Variants in LRRTM4 observed in about 807,000 individuals in gnomAD.
The protein encoded by LRRTM4 is leucine-rich repeat transmembrane neuronal protein 4.
LRRTM4 carries 25 observed loss-of-function variants against 47.6 expected under a neutral mutation model. That is an observed-to-expected ratio of 0.53 (90% CI 0.38 to 0.73). The LOEUF (loss-of-function observed/expected upper bound fraction) is 0.73, where lower values mean the gene tolerates loss of function less well. LRRTM4 is among the 30% of genes least tolerant of loss of function. LRRTM4 has a pLI of 0.00. For synonymous variants in LRRTM4, 311 were observed against 269.5 expected, an observed-to-expected ratio of 1.15 and a Z score of -1.51; for missense variants, 638 against 713.4, an observed-to-expected ratio of 0.89 and a Z score of 1.20.
At chr2:77,476,979 T>TGTGC (rs1677422258) in intron 3 of LRRTM4, among the ~76,000 whole-genome samples, 1 of 151,178 alleles carries the variant, frequency 6.6e-6, no homozygotes, top group Admixed American at 6.6e-5. Context: ...TGTGTGTGTG[T>TGTGC]GTGTGTGTGT....
rs140176647 is a variant in LRRTM4 at position 76,818,930 on chromosome 2, T to C, written c.1552-70014A>G. On this transcript the variant is annotated intron_variant, in intron 3 of 3. Coordinates refer to ENST00000409884, the MANE Select transcript of LRRTM4 (RefSeq NM_001134745.3). ...ATTAGTTTTACTAGTAAAGTCAGTTTTAATAGTTTTACTAGTAAAGTTATA... is the reference window on the plus strand; with the variant it reads ...ATTAGTTTTACTAGTAAAGTCAGTTCTAATAGTTTTACTAGTAAAGTTATA... Among the ~76,000 whole-genome samples the C allele has an allele frequency of 2.6e-3, 392 of 151,900 alleles. 2 individuals are homozygous for C. The highest frequency in any genetic ancestry group is 9.1e-3 in the African/African-American group (376 of 41,498).
chr2:77,484,677 G>C (rs1337105164), intron 3 of LRRTM4, among the ~76,000 whole-genome samples: 1 of 152,124 alleles, frequency 6.6e-6, no homozygotes, highest in Non-Finnish European at 1.5e-5. Flanking sequence ...ATCCACACAA[G>C]TGATTTGGTG....
chr2:77,131,042 G>A (rs1274881462), intron 3 of LRRTM4, among the ~76,000 whole-genome samples: 1 of 147,726 alleles, frequency 6.8e-6, no homozygotes. Flanking sequence ...CACCGTTTTA[G>A]CCGGGATGGT....
intron 3 of LRRTM4, among the ~76,000 whole-genome samples, chr2:77,456,816 T>C (rs1353659477): frequency 6.6e-5 from 10 of 151,682 alleles, no homozygotes; most frequent in Non-Finnish European, 1.3e-4. Context: ...AGCCTTCTAC[T>C]GAAATACTTT....
chr2:77,179,076 G>A (rs1212363017), intron 3 of LRRTM4, among the ~76,000 whole-genome samples: 1 of 151,902 alleles, frequency 6.6e-6, no homozygotes, highest in East Asian at 1.9e-4. Flanking sequence ...GAGCATTTTT[G>A]CGTAATACAA....
chr2:76,975,169 G>A (rs1439897503), intron 3 of LRRTM4, among the ~76,000 whole-genome samples: 1 of 151,566 alleles, frequency 6.6e-6, no homozygotes, highest in Non-Finnish European at 1.5e-5. Flanking sequence ...TCACAGGCTA[G>A]GAAAACCCAT....
At chr2:77,241,005 C>A (rs1004823930) in intron 3 of LRRTM4, among the ~76,000 whole-genome samples, 3 of 151,858 alleles carry the variant, frequency 2.0e-5, no homozygotes, top group African/African-American at 7.3e-5. Context: ...AGAATACATA[C>A]ATTTTTAACC....
At chr2:77,325,179 G>GC (rs1460272124) in intron 3 of LRRTM4, among the ~76,000 whole-genome samples, 1 of 152,154 alleles carries the variant, frequency 6.6e-6, no homozygotes, top group Non-Finnish European at 1.5e-5. Context: ...CCAAAGGACT[G>GC]CCCCCCTTCA....
intron 3 of LRRTM4, among the ~76,000 whole-genome samples, chr2:77,252,336 G>A (rs1265193647): frequency 1.3e-5 from 2 of 152,082 alleles, no homozygotes; most frequent in African/African-American, 4.8e-5. Flanking sequence ...AGATTTGCTA[G>A]GCAAAGAGGT....
intron 3 of LRRTM4, among the ~76,000 whole-genome samples, chr2:77,089,400 ATC>A (rs1226666596): frequency 2.0e-5 from 3 of 150,034 alleles, no homozygotes; most frequent in South Asian, 4.2e-4. Context: ...AACCTCTTAT[ATC>A]TCTGTGCCCC....
chr2:77,321,699 T>G (rs1677797538), intron 3 of LRRTM4, among the ~76,000 whole-genome samples: 1 of 152,098 alleles, frequency 6.6e-6, no homozygotes, highest in African/African-American at 2.4e-5. Context: ...CCAAATTTGA[T>G]GTGTGAATTT....
intron 3 of LRRTM4, among the ~76,000 whole-genome samples, chr2:76,987,776 G>A (rs1333384459): frequency 2.0e-5 from 3 of 151,708 alleles, no homozygotes; most frequent in South Asian, 2.1e-4. Context: ...ATGAGCTCAT[G>A]GTGTTCCTCC....
At position 76,901,363 on chromosome 2, in the gene LRRTM4, C is replaced by A. The variant is rs1673625712; in HGVS notation, c.1552-152447G>T. On this transcript the variant is annotated intron_variant, in intron 3 of 3. Coordinates refer to ENST00000409884, the MANE Select transcript of LRRTM4 (RefSeq NM_001134745.3). ...GATGGCTTCCAGTTCCATCCATGTC[C>A]CTGAAAAGTATGTTATCTCATTTCT... Among the ~76,000 whole-genome samples the A allele has an allele frequency of 2.6e-5, 4 of 152,080 alleles. 1 individual carries two copies.
intron 3 of LRRTM4, among the ~76,000 whole-genome samples, chr2:77,186,055 C>T (rs1301960554): frequency 6.6e-6 from 1 of 152,170 alleles, no homozygotes. Context: ...AACAAAGCTA[C>T]AGAGTGGCAG....
At chr2:76,948,998 A>C (rs1462198084) in intron 3 of LRRTM4, among the ~76,000 whole-genome samples, 2 of 151,908 alleles carry the variant, frequency 1.3e-5, no homozygotes, top group Non-Finnish European at 2.9e-5. Context: ...TATTTGTTTT[A>C]AATGACTGAT....
chr2:77,340,808 A>G (rs1671345722), intron 3 of LRRTM4, among the ~76,000 whole-genome samples: 1 of 151,964 alleles, frequency 6.6e-6, no homozygotes, highest in South Asian at 2.1e-4. Flanking sequence ...GAATAAAAAT[A>G]TAGACCTTGC....
intron 3 of LRRTM4, among the ~76,000 whole-genome samples, chr2:77,012,085 AATGTTGTCTGTGG>A (rs1677895635): frequency 4.6e-5 from 7 of 152,078 alleles, no homozygotes; most frequent in Admixed American, 3.3e-4. Flanking sequence ...TCTCACGCAA[AATGTTGTCTGTGG>A]CCAATGCAAA....
chr2:76,748,677 G>T lies in LRRTM4; in HGVS notation c.*18C>A. The T allele has an allele frequency of 6.4e-7, 1 of 1,565,290 alleles. No individual in the cohort carries two copies. The highest frequency in any genetic ancestry group is 8.8e-7 in the Non-Finnish European group (1 of 1,140,368). On this transcript the variant is annotated 3_prime_UTR_variant, in exon 4 of 4. Coordinates refer to ENST00000409884, the MANE Select transcript of LRRTM4 (RefSeq NM_001134745.3). ...CCTCCCCCCCATGGAGCTCCCCAGT[G>T]AGGAGTTGGCTTCAGCGTTAGTTTG...
intron 3 of LRRTM4, among the ~76,000 whole-genome samples, chr2:77,110,384 C>G (rs1671217820): frequency 6.6e-6 from 1 of 152,074 alleles, no homozygotes; most frequent in African/African-American, 2.4e-5. Context: ...CTAACACAAC[C>G]TTGCTAAAGT....
Sources: allele counts gnomAD v4.1 joint callset (sites outside exome capture counted in the v4.1 genomes callset), GRCh38; gene constraint gnomAD v4.1.1; transcripts MANE v1.5; gene names NCBI Gene and HGNC (gene_info 2026-07-23, HGNC 2026-07-21).